Variants in NASP observed in about 807,000 individuals in gnomAD.
The protein encoded by NASP is NASP histone chaperone.
NASP carries 24 observed loss-of-function variants against 89.5 expected under a neutral mutation model. That is an observed-to-expected ratio of 0.27 (90% CI 0.19 to 0.38). NASP has a LOEUF of 0.38. NASP is among the 10% of genes least tolerant of loss of function. The probability of loss-of-function intolerance (pLI) is 1.00; values close to 1 mark genes in which losing one functional copy is unlikely to be tolerated. For synonymous variants in NASP, 306 were observed against 324.7 expected (o/e 0.94, Z 0.62); for missense variants, 848 against 921.4 (o/e 0.92, Z 1.03).
intron 4 of NASP, 143 bp from the exon 5 acceptor site, chr1:45,606,339 C>T (rs371106743): frequency 1.9e-5 from 11 of 585,676 alleles, no homozygotes; most frequent in African/African-American, 1.7e-4. Flanking sequence ...TTGATCATTG[C>T]TTCCTTGAAT....
chr1:45,589,529 A>G (rs1224829743), intron 1 of NASP, among the ~76,000 whole-genome samples: 1 of 152,140 alleles, frequency 6.6e-6, no homozygotes, highest in Non-Finnish European at 1.5e-5. Context: ...AAAAATTCAT[A>G]ATGAACGTCA....
At chr1:45,592,327 G>T (rs368927961) in intron 2 of NASP, among the ~76,000 whole-genome samples, 1 of 152,042 alleles carries the variant, frequency 6.6e-6, no homozygotes, top group Non-Finnish European at 1.5e-5. Context: ...GTTGGCCAGG[G>T]TGGTCTCCAA....
Position 45,595,356 on chromosome 1 carries a change from G to A in NASP, c.107+4086G>A, listed in dbSNP as rs116277180. 5.2e-3 allele frequency among the ~76,000 whole-genome samples: 792 copies of A among 152,114 alleles called. 10 individuals are homozygous for A. The highest frequency in any genetic ancestry group is 0.019 in the African/African-American group (773 of 41,486). ...TTCTTAAACATTCAACACCATACCCGTCATCTTGCTTTTACCTGATGATTT... is the reference window on the plus strand; with the variant it reads ...TTCTTAAACATTCAACACCATACCCATCATCTTGCTTTTACCTGATGATTT... On this transcript the variant is annotated intron_variant, in intron 2 of 14. Coordinates refer to ENST00000350030, the MANE Select transcript of NASP (RefSeq NM_002482.4).
In NASP at chr1:45,584,065, T is replaced by C. The variant is rs946367609; in HGVS notation, c.-82T>C. The stretch of plus-strand genomic sequence containing the variant: ...TCTCTAATCTGCCATTTTCTGTCCC[T>C]GAGTGAGTCTCTGGCGTCCCAAATT... On this transcript the variant is annotated 5_prime_UTR_variant, in exon 1 of 15. Transcript: ENST00000350030. 29 of 1,345,714 alleles carry C rather than the reference T, an allele frequency of 2.2e-5. No homozygotes were observed. The highest frequency in any genetic ancestry group is 2.9e-5 in the Non-Finnish European group (28 of 966,704). The allele number at this position is 1,345,714 out of a possible 1,614,324, so 83.4% of individuals were successfully genotyped here.
At chr1:45,609,036 G>A (rs1346091372) in intron 6 of NASP, among the ~76,000 whole-genome samples, 5 of 151,826 alleles carry the variant, frequency 3.3e-5, no homozygotes, top group Admixed American at 1.3e-4. Context: ...TGCTTGCTTC[G>A]GCTGCTAAAC....
intron 6 of NASP, chr1:45,611,028 C>T (rs923252087): frequency 1.3e-5 from 2 of 152,140 alleles, no homozygotes; most frequent in African/African-American, 4.8e-5. Context: ...CACCATACAC[C>T]ATTATCTTCT....
At chr1:45,609,124 A>T (rs1452540812) in intron 6 of NASP, among the ~76,000 whole-genome samples, 1 of 152,214 alleles carries the variant, frequency 6.6e-6, no homozygotes, top group Non-Finnish European at 1.5e-5. Flanking sequence ...ATTAAATTTC[A>T]TTAAGGTGTA....
intron 1 of NASP, among the ~76,000 whole-genome samples, chr1:45,587,335 T>TACC (rs1410554116): frequency 6.6e-6 from 1 of 151,210 alleles, no homozygotes; most frequent in Admixed American, 6.6e-5. Flanking sequence ...TGCAGGTGTG[T>TACC]ACCACCACAC....
chr1:45,615,665 T>TA (rs1186456859), intron 11 of NASP, 194 bp downstream of exon 11: 6 of 559,286 alleles, frequency 1.1e-5, no homozygotes, highest in East Asian at 9.4e-5. Context: ...ATTCCATACT[T>TA]ACGTGTGGCC....
At chr1:45,610,250 A>G (rs1288595511) in intron 6 of NASP, 1 of 152,236 alleles carries the variant, frequency 6.6e-6, no homozygotes, top group Non-Finnish European at 1.5e-5. Context: ...CTATATTTTA[A>G]AAGCCCCAGG....
At chr1:45,597,725 A>G (rs1332801845) in intron 2 of NASP, among the ~76,000 whole-genome samples, 1 of 152,222 alleles carries the variant, frequency 6.6e-6, no homozygotes, top group Non-Finnish European at 1.5e-5. Flanking sequence ...AACAGTGTAA[A>G]GGATCCTGAC....
At chr1:45,604,881 TA>T in intron 3 of NASP, 54 bp from the exon 4 acceptor site, 2 of 1,316,994 alleles carry the variant, frequency 1.5e-6, no homozygotes, top group East Asian at 2.3e-5. Flanking sequence ...GAACTAGAAC[TA>T]AATGTTTTAG....
chr1:45,596,593 T>A (rs1186240961), intron 2 of NASP, among the ~76,000 whole-genome samples: 1 of 152,250 alleles, frequency 6.6e-6, no homozygotes, highest in Non-Finnish European at 1.5e-5. Context: ...ATGTAATCGT[T>A]CATAAGTAGA....
At chr1:45,590,687 T>TTA (rs1643523335) in intron 1 of NASP, among the ~76,000 whole-genome samples, 2 of 144,684 alleles carry the variant, frequency 1.4e-5, no homozygotes, top group Admixed American at 6.8e-5. Context: ...TGTAACTTTT[T>TTA]TTTTTTTTTT....
chr1:45,590,158 C>T (rs1450009363), intron 1 of NASP, among the ~76,000 whole-genome samples: 1 of 152,130 alleles, frequency 6.6e-6, no homozygotes, highest in Non-Finnish European at 1.5e-5. Flanking sequence ...TTGAGAAACA[C>T]TGCTTTAATT....
chr1:45,584,909 C>T (rs1304483478), intron 1 of NASP, among the ~76,000 whole-genome samples: 1 of 152,214 alleles, frequency 6.6e-6, no homozygotes, highest in South Asian at 2.1e-4. Flanking sequence ...CCCGCGACTC[C>T]GTGAGCCCCT....
At chr1:45,604,380 A>G (rs756346643) in intron 3 of NASP, among the ~76,000 whole-genome samples, 7 of 152,256 alleles carry the variant, frequency 4.6e-5, no homozygotes, top group Non-Finnish European at 1.0e-4. Flanking sequence ...GTGCTTTTAC[A>G]TACATTAACT....
chr1:45,609,215 A>T (rs1643961418), intron 6 of NASP: 1 of 152,228 alleles, frequency 6.6e-6, no homozygotes. Flanking sequence ...GTTTCATCTA[A>T]CATTGGCATT....
intron 5 of NASP, 134 bp from the exon 6 acceptor site, chr1:45,607,187 A>G: frequency 1.1e-6 from 1 of 907,922 alleles, no homozygotes; most frequent in Non-Finnish European, 1.7e-6. Flanking sequence ...TAGGGGGCAG[A>G]TAATTTTTAG....
Sources: gnomAD v4.1 joint callset for allele counts (sites outside exome capture counted in the v4.1 genomes callset) on GRCh38, gnomAD v4.1.1 for gene constraint, MANE v1.5 for transcripts, NCBI Gene and HGNC (gene_info 2026-07-23, HGNC 2026-07-21) for gene names.